Variants in MBD5 observed in about 807,000 individuals in gnomAD.
MBD5 encodes the protein methyl-CpG-binding domain protein 5.
A neutral mutation model predicts 117.3 loss-of-function variants in MBD5; 13 were observed. That is an observed-to-expected ratio of 0.11 (90% CI 0.07 to 0.18). The LOEUF (loss-of-function observed/expected upper bound fraction) is 0.18. Among genes scored for constraint, MBD5 ranks in the 10% least tolerant of loss-of-function variants. MBD5 has a pLI of 1.00. For synonymous variants in MBD5, 727 were observed against 766.4 expected (o/e 0.95, Z 0.85); for missense variants, 1,879 against 2,093.8 (o/e 0.90, Z 2.00).
At chr2:148,420,381 C>G (rs893255432) in intron 4 of MBD5, among the ~76,000 whole-genome samples, 1 of 152,158 alleles carries the variant, frequency 6.6e-6, no homozygotes, top group Non-Finnish European at 1.5e-5. Context: ...TTTTGTCCCC[C>G]AACTTCAAAA....
At position 148,483,821 on chromosome 2, in the gene MBD5, A is replaced by C. The variant is rs752280785; in HGVS notation, c.3230A>C (p.Asn1077Thr). Residue 1077 changes from asparagine to threonine, a missense_variant, in exon 9 of 14, where the codon AAT (asparagine) becomes ACT (threonine). Asn to Thr is a moderately conservative substitution (Grantham distance 65). Around this residue, in one of 4 missense-constraint regions of MBD5, gnomAD observed 1,666 missense variants for 1,792.2 expected, o/e 0.93. Transcript: ENST00000642680. ...TFNPLFLPAV[N>T]GASGLMTLNP... ...AACCCCCTGTTCCTCCCAGCTGTCA[A>C]TGGGGCCTCAGGATTAATGACCTTG... 3.9e-6 allele frequency: 6 copies of C among 1,550,568 alleles called. No homozygotes were observed. In the South Asian group the frequency reaches 7.1e-5, roughly 18 times the overall value.
intron 1 of MBD5, among the ~76,000 whole-genome samples, chr2:148,133,280 C>G (rs1156775721): frequency 2.0e-5 from 3 of 152,086 alleles, no homozygotes; most frequent in African/African-American, 7.2e-5. Context: ...TTGTTAAATG[C>G]CATTTAAGGC....
intron 1 of MBD5, among the ~76,000 whole-genome samples, chr2:148,049,094 C>G (rs1223705906): frequency 6.6e-6 from 1 of 152,156 alleles, no homozygotes; most frequent in Non-Finnish European, 1.5e-5. Context: ...GAAGCATTTT[C>G]CTGTGGTTGC....
intron 4 of MBD5, among the ~76,000 whole-genome samples, chr2:148,434,653 G>T (rs544292565): frequency 3.9e-5 from 6 of 152,042 alleles, no homozygotes; most frequent in African/African-American, 1.4e-4. Flanking sequence ...TTGCATTTGC[G>T]AAGGATTGTT....
At chr2:148,142,237 T>C (rs1293747904) in intron 1 of MBD5, among the ~76,000 whole-genome samples, 1 of 152,110 alleles carries the variant, frequency 6.6e-6, no homozygotes, top group Non-Finnish European at 1.5e-5. Flanking sequence ...AGTCTGCACA[T>C]TGAAAAAGCC....
intron 4 of MBD5, among the ~76,000 whole-genome samples, chr2:148,404,277 G>T (rs1705012629): frequency 6.6e-6 from 1 of 152,144 alleles, no homozygotes; most frequent in African/African-American, 2.4e-5. Flanking sequence ...TACTAGAACA[G>T]TATCAGTCTA....
chr2:148,340,510 A>G (rs1702909177), intron 3 of MBD5, among the ~76,000 whole-genome samples: 1 of 152,086 alleles, frequency 6.6e-6, no homozygotes, highest in Non-Finnish European at 1.5e-5. Flanking sequence ...ATTTTACAGT[A>G]ATGAAGTAAT....
Position 148,490,556 on chromosome 2 carries a change from G to T in MBD5, c.4924G>T (p.Val1642Phe), listed in dbSNP as rs770196931. ...WPGKLVREDD[V>F]HNSCQQSPEE... ...TGGAAAATTAGTAAGAGAAGACGAC[G>T]TTCACAATTCATGTCAACAAAGCCC... The change falls in exon 11 of 14, where the codon GTT (valine) becomes TTT (phenylalanine). Residue 1642 changes from valine (V) to phenylalanine (F), a missense_variant. Val to Phe is a conservative substitution (Grantham distance 50). This residue lies in a region of MBD5 where 135 missense variants were observed against 148.0 expected (regional missense o/e 0.91). Coordinates refer to ENST00000642680, the MANE Select transcript of MBD5 (RefSeq NM_001378120.1). 6.2e-7 allele frequency: 1 copy of T among 1,614,162 alleles called. No homozygotes were observed. The highest frequency in any genetic ancestry group is 8.5e-7 in the Non-Finnish European group (1 of 1,180,026).
At chr2:148,278,178 T>A (rs2106369942) in intron 3 of MBD5, among the ~76,000 whole-genome samples, 1 of 152,338 alleles carries the variant, frequency 6.6e-6, no homozygotes, top group East Asian at 1.9e-4. Flanking sequence ...TCACTTAATA[T>A]CATGTATTTG....
rs796052722 is a variant in MBD5, at chr2:148,490,488, G to A, written c.4856G>A (p.Gly1619Asp). The change falls in exon 11 of 14, where the codon GGC becomes GAC. Residue 1619 changes from glycine (G) to aspartate (D), a missense_variant. Gly to Asp is a moderately conservative substitution (Grantham distance 94, BLOSUM62 -1). Coordinates refer to ENST00000642680, the MANE Select transcript of MBD5 (RefSeq NM_001378120.1). ...TATAGACCAAGGACGTTCAATGTTG[G>A]CGACTTGGTCTGGGGCCAAATCAAA... The part of the protein sequence containing the change: ...IHYRPRTFNV[G>D]DLVWGQIKGL... The A allele has an allele frequency of 6.2e-7, 1 of 1,614,046 alleles. No homozygotes were observed. The highest frequency in any genetic ancestry group is 8.5e-7 in the Non-Finnish European group (1 of 1,180,056).
At chr2:148,081,653 T>C (rs1695651523) in intron 1 of MBD5, among the ~76,000 whole-genome samples, 1 of 152,098 alleles carries the variant, frequency 6.6e-6, no homozygotes, top group East Asian at 1.9e-4. Flanking sequence ...AGGAGCATAT[T>C]GTAAGTTCTG....
chr2:148,061,500 C>A (rs951545403), intron 1 of MBD5, among the ~76,000 whole-genome samples: 2 of 151,914 alleles, frequency 1.3e-5, no homozygotes, highest in East Asian at 3.9e-4. Context: ...TCTACCATAT[C>A]ATAAATATGT....
chr2:148,104,017 T>C (rs1356819669), intron 1 of MBD5, among the ~76,000 whole-genome samples: 2 of 152,124 alleles, frequency 1.3e-5, no homozygotes, highest in African/African-American at 4.8e-5. Flanking sequence ...AGTACCCTAC[T>C]CTTCCCTTTC....
chr2:148,236,212 G>T (rs928217462), intron 3 of MBD5, among the ~76,000 whole-genome samples: 2 of 152,088 alleles, frequency 1.3e-5, no homozygotes, highest in African/African-American at 4.8e-5. Flanking sequence ...AAATAAGACA[G>T]CAAGGAATAT....
At chr2:148,376,490 A>G (rs1703991960) in intron 4 of MBD5, among the ~76,000 whole-genome samples, 1 of 150,016 alleles carries the variant, frequency 6.7e-6, no homozygotes, top group Non-Finnish European at 1.5e-5. Context: ...GATGGTCTCA[A>G]TCTCCTGACC....
At chr2:148,123,281 C>T (rs1331350544) in intron 1 of MBD5, among the ~76,000 whole-genome samples, 1 of 152,092 alleles carries the variant, frequency 6.6e-6, no homozygotes, top group East Asian at 1.9e-4. Flanking sequence ...AGATATATGT[C>T]TTAAGAAAAT....
At chr2:148,395,573 C>T (rs1187294901) in intron 4 of MBD5, among the ~76,000 whole-genome samples, 1 of 151,914 alleles carries the variant, frequency 6.6e-6, no homozygotes, top group African/African-American at 2.4e-5. Context: ...CACAGGCATG[C>T]ACCACCACAC....
chr2:148,348,976 T>C (rs994270805), intron 4 of MBD5, among the ~76,000 whole-genome samples: 14 of 151,942 alleles, frequency 9.2e-5, no homozygotes, highest in African/African-American at 3.4e-4. Flanking sequence ...CAGGCTCAAC[T>C]AGAAACAGGA....
intron 1 of MBD5, among the ~76,000 whole-genome samples, chr2:148,092,376 A>G (rs899986490): frequency 3.9e-5 from 6 of 152,224 alleles, no homozygotes; most frequent in African/African-American, 7.2e-5. Flanking sequence ...TGTTTATCTC[A>G]GCACAATTTG....
Sources: gnomAD v4.1 joint callset for allele counts (sites outside exome capture counted in the v4.1 genomes callset) on GRCh38, gnomAD v4.1.1 for gene constraint, gnomAD v4.1.1 regional missense constraint, MANE v1.5 for transcripts, NCBI Gene and HGNC (gene_info 2026-07-23, HGNC 2026-07-21) for gene names.